The following SDK1 variants were observed in gnomAD, a reference collection of about 807,000 sequenced individuals.
The protein encoded by SDK1 is protein sidekick-1.
SDK1 carries 157 observed loss-of-function variants against 245.5 expected under a neutral mutation model. The observed-to-expected ratio is 0.64, with a 90% CI of 0.56 to 0.73. The LOEUF (loss-of-function observed/expected upper bound fraction) is 0.73. SDK1 is among the 30% of genes least tolerant of loss of function. The pLI is 0.00. For missense variants in SDK1, 3,583 were observed against 3,002.3 expected (o/e 1.19, Z -4.52); for synonymous variants, 1,647 against 1,278.5 (o/e 1.29, Z -6.15).
intron 4 of SDK1, among the ~76,000 whole-genome samples, chr7:3,771,578 G>A (rs1328113785): frequency 6.6e-6 from 1 of 152,102 alleles, no homozygotes; most frequent in African/African-American, 2.4e-5. Context: ...ATTTCTCTTT[G>A]ATTCATAGGA....
At position 4,119,808 on chromosome 7, in the gene SDK1, G is replaced by T. The variant is rs185528787; in HGVS notation, c.3823+5534G>T. ...AAGCACACAGGCAATGATTTGCCAT[G>T]AGTAAAAATGACCAGTTTTAAAAAA... is the stretch of plus-strand genomic sequence containing the variant. On this transcript the variant is annotated intron_variant, in intron 25 of 44. Coordinates refer to ENST00000404826, the MANE Select transcript of SDK1 (RefSeq NM_152744.4). Among the ~76,000 whole-genome samples, 10 of 148,770 alleles carry T rather than the reference G, an allele frequency of 6.7e-5. 2 individuals are homozygous for T. The highest frequency in any genetic ancestry group is 2.2e-4 in the South Asian group (1 of 4,522).
At chr7:3,914,446 G>C (rs1443024642) in intron 5 of SDK1, among the ~76,000 whole-genome samples, 3 of 152,206 alleles carry the variant, frequency 2.0e-5, no homozygotes, top group Non-Finnish European at 4.4e-5. Context: ...GATTGTGGCA[G>C]AAATGAGAAA....
intron 1 of SDK1, among the ~76,000 whole-genome samples, chr7:3,380,579 C>T (rs190676497): frequency 1.3e-5 from 2 of 152,320 alleles, no homozygotes; most frequent in Admixed American, 1.3e-4. Flanking sequence ...GTAACAAATT[C>T]AGATGAACAG....
At chr7:3,894,693 T>C (rs910847160) in intron 5 of SDK1, among the ~76,000 whole-genome samples, 144 of 151,276 alleles carry the variant, frequency 9.5e-4, no homozygotes, top group Non-Finnish European at 8.8e-5. Flanking sequence ...GTAATACTAT[T>C]TTTTCTTTTT....
At chr7:4,216,282 C>T (rs1040602662) in intron 38 of SDK1, among the ~76,000 whole-genome samples, 2 of 152,162 alleles carry the variant, frequency 1.3e-5, no homozygotes, top group Non-Finnish European at 2.9e-5. Flanking sequence ...CAGCTTCGTG[C>T]ACCCCGTGGA....
rs1788616067 is a variant in SDK1, at chr7:4,268,622, G to A, written c.*3238G>A. The A allele has an allele frequency of 7.3e-7, 1 of 1,367,480 alleles. No homozygotes were observed. Among genetic ancestry groups the A allele is most frequent in the Non-Finnish European group, 9.8e-7 (1 of 1,021,760 alleles). The allele number at this position is 1,367,480 out of a possible 1,614,324, so 84.7% of individuals were successfully genotyped here. Reference sequence around the variant, plus strand: ...AACTGTGACTGGGCTGAAGCATGATGTTTGCCTAATGGTTCGTAGCATGGT... The same window carrying A: ...AACTGTGACTGGGCTGAAGCATGATATTTGCCTAATGGTTCGTAGCATGGT... On this transcript the variant is annotated 3_prime_UTR_variant, in exon 45 of 45. Transcript: ENST00000404826.
intron 4 of SDK1, among the ~76,000 whole-genome samples, chr7:3,813,033 C>A (rs572342763): frequency 2.0e-5 from 3 of 152,134 alleles, no homozygotes; most frequent in African/African-American, 7.2e-5. Context: ...ATCACTCTGG[C>A]GACTTAACAT....
In SDK1 at chr7:3,717,993, A is replaced by G. The variant is rs142494866; in HGVS notation, c.713+75888A>G. ...AAAAAACTGTAAACCTTTATGTCTC[A>G]TGAATATAGGTGCAAAAATTCTCAA... is the stretch of plus-strand genomic sequence containing the variant. On this transcript the variant is annotated intron_variant, in intron 4 of 44. Coordinates refer to ENST00000404826, the MANE Select transcript of SDK1 (RefSeq NM_152744.4). Among the ~76,000 whole-genome samples, 156 of 152,190 alleles carry G rather than the reference A, an allele frequency of 1.0e-3. 1 individual carries two copies. The highest frequency in any genetic ancestry group is 3.2e-3 in the African/African-American group (134 of 41,510).
chr7:3,960,948 T>G (rs531585619), intron 8 of SDK1, among the ~76,000 whole-genome samples: 1 of 152,242 alleles, frequency 6.6e-6, no homozygotes, highest in South Asian at 2.1e-4. Context: ...ATTTCTGTTA[T>G]GACATTAAAT....
At chr7:3,304,192 T>G (rs1779356833) in intron 1 of SDK1, among the ~76,000 whole-genome samples, 1 of 152,246 alleles carries the variant, frequency 6.6e-6, no homozygotes, top group African/African-American at 2.4e-5. Context: ...GTTTCTTCTT[T>G]CTATGCGGTG....
chr7:3,697,724 T>C lies in SDK1; in HGVS notation c.713+55619T>C, dbSNP rs139113694. On this transcript the variant is annotated intron_variant, in intron 4 of 44. Transcript: ENST00000404826. ...TCCTCTCCCCACTTCACTCCTACAG[T>C]AGGTTTTGCTGCTTTTATTGTTGTC... Among the ~76,000 whole-genome samples the C allele has an allele frequency of 5.9e-4, 90 of 152,246 alleles. 1 individual carries two copies. The East Asian group carries it at 0.016, about 27-fold the overall frequency.
At chr7:3,319,033 G>T (rs553033751) in intron 1 of SDK1, among the ~76,000 whole-genome samples, 5 of 152,014 alleles carry the variant, frequency 3.3e-5, no homozygotes, top group African/African-American at 9.7e-5. Context: ...ACATTCATGA[G>T]GGGGGAGTAG....
At chr7:3,429,793 T>G (rs1183474625) in intron 1 of SDK1, among the ~76,000 whole-genome samples, 3 of 151,444 alleles carry the variant, frequency 2.0e-5, no homozygotes, top group Admixed American at 6.6e-5. Context: ...GGTCTCACTA[T>G]GTTGCCCAGG....
In SDK1 at chr7:3,971,571, C is replaced by T. The variant is rs1451332713; in HGVS notation, c.1817+3C>T. 1.3e-6 allele frequency: 2 copies of T among 1,599,318 alleles called. No homozygotes were observed. Among genetic ancestry groups the T allele is most frequent in the African/African-American group, 1.3e-5 (1 of 74,702 alleles). ...CATGACCCCCGGGTTTCACTCCGGT[C>T]AGCACAATCAGTTACAATGCTTTGG... On this transcript the variant is annotated splice_donor_region_variant and intron_variant, in intron 12 of 44. Transcript: ENST00000404826.
At position 4,142,785 on chromosome 7, in the gene SDK1, C is replaced by T. The variant is rs142132911; in HGVS notation, c.4229-2937C>T. Among the ~76,000 whole-genome samples, 1,400 of 152,316 alleles carry T rather than the reference C, an allele frequency of 9.2e-3. 11 individuals carry two copies. Among genetic ancestry groups the T allele is most frequent in the Middle Eastern group, 0.031 (9 of 294 alleles). ...GCTGCTTTGCACTCTTTACCTGGCA[C>T]ATTTGCATGATTTTTGAGCCATGTG... On this transcript the variant is annotated intron_variant, in intron 28 of 44. Transcript: ENST00000404826.
At chr7:4,031,882 C>G (rs1787844001) in intron 17 of SDK1, among the ~76,000 whole-genome samples, 1 of 151,996 alleles carries the variant, frequency 6.6e-6, no homozygotes, top group African/African-American at 2.4e-5. Flanking sequence ...CAAAAATTAG[C>G]CGGGCATGGT....
intron 4 of SDK1, among the ~76,000 whole-genome samples, chr7:3,758,026 C>T (rs1327927562): frequency 2.0e-5 from 3 of 152,122 alleles, no homozygotes; most frequent in African/African-American, 4.8e-5. Context: ...AAAGACCAAA[C>T]GTATCTTTCT....
At chr7:3,410,739 A>G (rs1193427872) in intron 1 of SDK1, among the ~76,000 whole-genome samples, 4 of 151,858 alleles carry the variant, frequency 2.6e-5, no homozygotes, top group African/African-American at 9.7e-5. Flanking sequence ...GGCACACACT[A>G]CCATGCCCAA....
intron 4 of SDK1, among the ~76,000 whole-genome samples, chr7:3,736,210 C>T (rs1473295420): frequency 6.6e-6 from 1 of 152,066 alleles, no homozygotes; most frequent in African/African-American, 2.4e-5. Flanking sequence ...TACATTTTAT[C>T]TACTTTTATT....
Sources: gnomAD v4.1 joint callset for allele counts (sites outside exome capture counted in the v4.1 genomes callset) on GRCh38, gnomAD v4.1.1 for gene constraint, MANE v1.5 for transcripts, NCBI Gene and HGNC (gene_info 2026-07-23, HGNC 2026-07-21) for gene names.